Variants in NARS2 observed in about 807,000 individuals in gnomAD.
NARS2 encodes the protein asparaginyl-tRNA synthetase 2, mitochondrial, also known as asparaginyl-tRNA synthetase.
Under a neutral mutation model 62.9 loss-of-function variants are expected in NARS2, and 60 were observed. The ratio of observed to expected loss-of-function variants is 0.95; its 90% CI spans 0.77 to 1.18. The LOEUF (loss-of-function observed/expected upper bound fraction) is 1.18, where lower values mean the gene tolerates loss of function less well. Among genes scored for constraint, NARS2 ranks in the 50% most tolerant of loss-of-function variants. NARS2 has a pLI of 0.00. For synonymous variants in NARS2, 196 were observed against 200.0 expected (o/e 0.98, Z 0.17); for missense variants, 619 against 576.4 (o/e 1.07, Z -0.76).
Position 78,448,907 on chromosome 11 carries a change from C to T in NARS2, c.1165-5149G>A, listed in dbSNP as rs144207365. ...TATCTTTGCATGCAGATCTAAACCACGTTAATTTTGGATCTTAATTCTTTT... is the reference window on the plus strand; with the variant it reads ...TATCTTTGCATGCAGATCTAAACCATGTTAATTTTGGATCTTAATTCTTTT... On this transcript the variant is annotated intron_variant, in intron 11 of 13. Transcript: ENST00000281038. Among the ~76,000 whole-genome samples the T allele has an allele frequency of 5.2e-3, 787 of 152,164 alleles. 4 individuals carry two copies. Among genetic ancestry groups the T allele is most frequent in the African/African-American group, 0.018 (760 of 41,506 alleles).
chr11:78,532,459 G>T lies in NARS2; in HGVS notation c.595-3523C>A, dbSNP rs551638832. Among the ~76,000 whole-genome samples the T allele has an allele frequency of 3.9e-5, 6 of 152,242 alleles. No homozygotes were observed. The South Asian group carries it at 6.2e-4, about 16-fold the overall frequency. On this transcript the variant is annotated intron_variant, in intron 5 of 13. Coordinates refer to ENST00000281038, the MANE Select transcript of NARS2 (RefSeq NM_024678.6). The stretch of plus-strand genomic sequence containing the variant: ...AGAGAAAATAATCTGCTCCCCAAAT[G>T]AGAAAGAAGATATACAGAAATGAAG...
At position 78,436,743 on chromosome 11, in the gene NARS2, T is replaced by C. The variant is rs1399346230; in HGVS notation, c.1361A>G (p.Gln454Arg). 1 of 1,614,204 alleles carries C rather than the reference T, an allele frequency of 6.2e-7. No homozygotes were observed. Among genetic ancestry groups the C allele is most frequent in the East Asian group, 2.2e-5 (1 of 44,878 alleles). ...GATATTGTCAACACCCAAGATGCAC[T>C]GCAGGTAGCGTTCAAATCCCATCCC... ...GFGMGFERYL[Q>R]CILGVDNIKD... Residue 454 changes from glutamine (Q) to arginine (R), a missense_variant, in exon 14 of 14, where the codon CAG (glutamine) becomes CGG (arginine). By Grantham distance (43) the Gln-to-Arg change is conservative (BLOSUM62 1). Transcript: ENST00000281038.
intron 4 of NARS2, among the ~76,000 whole-genome samples, chr11:78,564,804 A>G (rs1213610288): frequency 6.6e-6 from 1 of 152,230 alleles, no homozygotes; most frequent in Non-Finnish European, 1.5e-5. Flanking sequence ...ATAACATTAT[A>G]TAATTTGATT....
intron 7 of NARS2, among the ~76,000 whole-genome samples, chr11:78,485,876 AT>A (rs1859551429): frequency 6.6e-6 from 1 of 151,948 alleles, no homozygotes; most frequent in Admixed American, 6.6e-5. Context: ...CTCTATTATT[AT>A]TACTACTATT....
intron 6 of NARS2, among the ~76,000 whole-genome samples, chr11:78,495,686 G>C (rs1354383829): frequency 6.6e-6 from 1 of 152,070 alleles, no homozygotes; most frequent in East Asian, 1.9e-4. Context: ...TACAAATATA[G>C]AAAAATACTC....
chr11:78,449,226 C>A (rs955717277), intron 11 of NARS2, among the ~76,000 whole-genome samples: 3 of 150,450 alleles, frequency 2.0e-5, no homozygotes, highest in Admixed American at 6.6e-5. Flanking sequence ...AACTCCACCT[C>A]CCCGGTTCAT....
intron 7 of NARS2, among the ~76,000 whole-genome samples, chr11:78,485,322 C>T (rs911353228): frequency 2.6e-5 from 4 of 151,860 alleles, no homozygotes; most frequent in African/African-American, 4.8e-5. Flanking sequence ...TTGATAGGTG[C>T]GGCAAACCAC....
At chr11:78,533,406 C>G (rs946400273) in intron 5 of NARS2, 3 of 152,186 alleles carry the variant, frequency 2.0e-5, no homozygotes, top group Non-Finnish European at 2.9e-5. Flanking sequence ...TTATTCACTA[C>G]AGTTTGTAAC....
chr11:78,522,815 A>G (rs1017375743), intron 6 of NARS2, among the ~76,000 whole-genome samples: 6 of 152,210 alleles, frequency 3.9e-5, no homozygotes, highest in Non-Finnish European at 8.8e-5. Context: ...GTTAGAGCCT[A>G]TTAAAGATGT....
At chr11:78,456,062 A>G (rs1858152777) in intron 11 of NARS2, among the ~76,000 whole-genome samples, 1 of 152,154 alleles carries the variant, frequency 6.6e-6, no homozygotes, top group Admixed American at 6.6e-5. Context: ...AATCTTATTT[A>G]GTTAAGTGAG....
chr11:78,485,093 G>T (rs1429761909), intron 7 of NARS2, among the ~76,000 whole-genome samples: 1 of 152,210 alleles, frequency 6.6e-6, no homozygotes, highest in Non-Finnish European at 1.5e-5. Flanking sequence ...CAGGGACATG[G>T]ATGAAGCTGG....
chr11:78,448,223 C>A (rs533977097), intron 11 of NARS2, among the ~76,000 whole-genome samples: 43 of 149,734 alleles, frequency 2.9e-4, no homozygotes, highest in African/African-American at 9.8e-4. Context: ...CCAGACGAAA[C>A]AAAACAAAAA....
chr11:78,487,111 T>G (rs1293878349), intron 7 of NARS2, among the ~76,000 whole-genome samples: 1 of 151,708 alleles, frequency 6.6e-6, no homozygotes, highest in East Asian at 1.9e-4. Context: ...ATCCCAGCAC[T>G]TTGGGAGTCT....
intron 6 of NARS2, among the ~76,000 whole-genome samples, chr11:78,498,314 TGTCCTC>T: frequency 6.6e-6 from 1 of 152,216 alleles, no homozygotes. Flanking sequence ...TTCCTAGTAC[TGTCCTC>T]GTTTTCCTTC....
chr11:78,436,552 C>A lies in NARS2; in HGVS notation c.*118G>T. On this transcript the variant is annotated 3_prime_UTR_variant, in exon 14 of 14. Coordinates refer to ENST00000281038, the MANE Select transcript of NARS2 (RefSeq NM_024678.6). ...ATATTTTTTCTATGATATCTTATGGCACAACAATTACATATTGAAATCTGC... is the reference window on the plus strand; with the variant it reads ...ATATTTTTTCTATGATATCTTATGGAACAACAATTACATATTGAAATCTGC... 3 of 1,180,550 alleles carry A rather than the reference C, an allele frequency of 2.5e-6. No individual in the cohort carries two copies. Among genetic ancestry groups the A allele is most frequent in the East Asian group, 2.4e-5 (1 of 41,270 alleles). 73.1% of individuals were successfully genotyped at this position (1,180,550 alleles called of 1,614,324 possible).
intron 5 of NARS2, 27 bp from the exon 6 acceptor site, chr11:78,528,963 A>G (rs1861390675): frequency 7.1e-7 from 1 of 1,417,748 alleles, no homozygotes; most frequent in Non-Finnish European, 9.9e-7. Context: ...TAAGCCACAA[A>G]AAACTATTAA....
rs10649252 is a variant in NARS2 at position 78,463,713 on chromosome 11, CAAAAAAAAAA to C, written c.1164+2153_1164+2162del. On this transcript the variant is annotated intron_variant, in intron 11 of 13. Coordinates refer to ENST00000281038, the MANE Select transcript of NARS2 (RefSeq NM_024678.6). ...AAAAAAAGACAACTATAGTTAAGGT[CAAAAAAAAAA>C]AAAAAAAAAAAAAACCACAGGACAA... is the stretch of plus-strand genomic sequence containing the variant. Among the ~76,000 whole-genome samples, 41 of 47,992 alleles carry C rather than the reference CAAAAAAAAAA, an allele frequency of 8.5e-4. 1 individual carries two copies. The highest frequency in any genetic ancestry group is 1.1e-3 in the Non-Finnish European group (30 of 27,366). 31.5% of individuals were successfully genotyped at this position (47,992 alleles called of 152,430 possible).
chr11:78,488,577 C>A, intron 7 of NARS2, among the ~76,000 whole-genome samples: 1 of 152,040 alleles, frequency 6.6e-6, no homozygotes, highest in East Asian at 1.9e-4. Context: ...CAGAAGTATA[C>A]AATAATAAAT....
intron 5 of NARS2, among the ~76,000 whole-genome samples, chr11:78,554,948 C>G (rs1270305568): frequency 6.6e-6 from 1 of 152,132 alleles, no homozygotes; most frequent in Non-Finnish European, 1.5e-5. Flanking sequence ...CCTTCAATAT[C>G]TAGTTTATTG....
Sources: allele counts gnomAD v4.1 joint callset (sites outside exome capture counted in the v4.1 genomes callset), GRCh38; gene constraint gnomAD v4.1.1; transcripts MANE v1.5; gene names NCBI Gene and HGNC (gene_info 2026-07-23, HGNC 2026-07-21).